DENND5B: variants seen among roughly 807,000 people sequenced by gnomAD.
DENND5B encodes DENN domain-containing protein 5B.
In DENND5B, 34 loss-of-function variants were observed where a neutral mutation model predicts 140.6. The ratio of observed to expected loss-of-function variants is 0.24; its 90% confidence interval spans 0.18 to 0.32. The LOEUF (loss-of-function observed/expected upper bound fraction) is 0.32. DENND5B is among the 10% of genes least tolerant of loss of function. The probability of loss-of-function intolerance (pLI) is 1.00; values close to 1 mark genes in which losing one functional copy is unlikely to be tolerated. For synonymous variants in DENND5B, 551 were observed against 562.1 expected (o/e 0.98, Z 0.28); for missense variants, 1,142 against 1,560.2 (o/e 0.73, Z 4.52).
At chr12:31,441,961 G>T (rs113202212) in intron 7 of DENND5B, among the ~76,000 whole-genome samples, 5 of 152,190 alleles carry the variant, frequency 3.3e-5, no homozygotes, top group Admixed American at 3.3e-4. Flanking sequence ...GAGGTTACAG[G>T]CGTGAGCCAC....
chr12:31,470,201 G>A (rs1177957190), intron 3 of DENND5B, among the ~76,000 whole-genome samples: 1 of 138,834 alleles, frequency 7.2e-6, no homozygotes, highest in Non-Finnish European at 1.5e-5. Flanking sequence ...TGCAGTCTCT[G>A]CCTCCAGGGT....
At position 31,565,446 on chromosome 12, in the gene DENND5B, G is replaced by A. The variant is rs149979899; in HGVS notation, c.127+25260C>T. 2.1e-3 allele frequency among the ~76,000 whole-genome samples: 322 copies of A among 152,326 alleles called. 1 individual carries two copies. Among genetic ancestry groups the A allele is most frequent in the African/African-American group, 7.2e-3 (298 of 41,570 alleles). On this transcript the variant is annotated intron_variant, in intron 1 of 20. Coordinates refer to ENST00000389082, the MANE Select transcript of DENND5B (RefSeq NM_144973.4). ...TAAGCAATTTATACATCTTGCTTAT[G>A]TGGATGCCTCTGGTCGCTTACACGT...
intron 1 of DENND5B, chr12:31,499,511 A>G: frequency 1.9e-6 from 2 of 1,051,712 alleles, no homozygotes; most frequent in Non-Finnish European, 2.5e-6. Flanking sequence ...AGTCTGACCA[A>G]GCAAAACTGA....
At chr12:31,557,228 G>A (rs2139298723) in intron 1 of DENND5B, among the ~76,000 whole-genome samples, 1 of 152,258 alleles carries the variant, frequency 6.6e-6, no homozygotes, top group Middle Eastern at 3.4e-3. Flanking sequence ...ATAGAGAGTA[G>A]AGAGACATAA....
At position 31,591,044 on chromosome 12, in the gene DENND5B, C is replaced by A. The variant is rs1187351517; in HGVS notation, c.-212G>T. The stretch of plus-strand genomic sequence containing the variant: ...GGGCTCGCGCGCGGCGGGTCCGGAG[C>A]CCGGCCGGGTGGGGGAGGGGCGCGG... On this transcript the variant is annotated 5_prime_UTR_variant, in exon 1 of 21. Transcript: ENST00000389082. 3.2e-6 allele frequency: 1 copy of A among 309,476 alleles called. No homozygotes were observed. Among genetic ancestry groups the A allele is most frequent in the Non-Finnish European group, 4.7e-6 (1 of 212,720 alleles). 19.2% of individuals were successfully genotyped at this position (309,476 alleles called of 1,614,324 possible). A position where few individuals can be genotyped will look rare whatever the true frequency, so the allele number is the denominator to read the frequency against.
At chr12:31,549,356 T>C (rs906970353) in intron 1 of DENND5B, among the ~76,000 whole-genome samples, 2 of 152,154 alleles carry the variant, frequency 1.3e-5, no homozygotes, top group Non-Finnish European at 2.9e-5. Context: ...CCTGATTTTT[T>C]AAAAAATGTG....
chr12:31,533,401 T>TA (rs1565671247), intron 1 of DENND5B, among the ~76,000 whole-genome samples: 1 of 152,222 alleles, frequency 6.6e-6, no homozygotes, highest in Non-Finnish European at 1.5e-5. Context: ...ACTTATACTT[T>TA]ATTTTCTTGA....
At chr12:31,470,354 T>TCCA (rs779638616) in intron 3 of DENND5B, among the ~76,000 whole-genome samples, 2 of 152,024 alleles carry the variant, frequency 1.3e-5, no homozygotes, top group Non-Finnish European at 2.9e-5. Context: ...CCTCAGGTGA[T>TCCA]CCACCCACCT....
At chr12:31,485,876 C>A (rs757164337) in intron 2 of DENND5B, among the ~76,000 whole-genome samples, 7 of 152,196 alleles carry the variant, frequency 4.6e-5, no homozygotes, top group Non-Finnish European at 8.8e-5. Flanking sequence ...ACAGAAGGAG[C>A]CCTAGCTATA....
In DENND5B at chr12:31,480,175, C is replaced by T. The variant is rs779377027; in HGVS notation, c.318G>A (p.Arg106=). ...AACCATAGGTGCGAGAACCATCTTC[C>T]CTGGTAATTATAAATGAGTGAAACT... ...DPQFHSFIIT[R]EDGSRTYGFV... is the part of the protein sequence containing the mutation. Residue 106 remains arginine (R), a synonymous_variant, in exon 3 of 21, where the codon AGG becomes AGA. Coordinates refer to ENST00000389082, the MANE Select transcript of DENND5B (RefSeq NM_144973.4). The T allele has an allele frequency of 7.5e-6, 12 of 1,603,856 alleles. No individual in the cohort carries two copies. Among genetic ancestry groups the T allele is most frequent in the African/African-American group, 1.3e-5 (1 of 74,754 alleles).
chr12:31,464,558 C>A (rs182809406), intron 3 of DENND5B, among the ~76,000 whole-genome samples: 1 of 152,070 alleles, frequency 6.6e-6, no homozygotes, highest in Admixed American at 6.6e-5. Flanking sequence ...ATGTATTTTT[C>A]TTTTTATTTA....
intron 1 of DENND5B, chr12:31,499,614 G>A (rs866252681): frequency 8.0e-6 from 12 of 1,493,246 alleles, no homozygotes; most frequent in African/African-American, 5.6e-5. Context: ...ACCTGAAGTC[G>A]TATTTGCAGC....
rs199964281 is a variant in DENND5B, at chr12:31,528,436, A to AT, written c.128-32518dup. ...GATCCTGAATCACATCTGTAAAGAT[A>AT]TTTTTTTTCCAAATAATGTAACATT... On this transcript the variant is annotated intron_variant, in intron 1 of 20. Coordinates refer to ENST00000389082, the MANE Select transcript of DENND5B (RefSeq NM_144973.4). Among the ~76,000 whole-genome samples the AT allele has an allele frequency of 6.4e-3, 977 of 152,172 alleles. 5 individuals are homozygous for AT. Among genetic ancestry groups the AT allele is most frequent in the African/African-American group, 0.023 (942 of 41,500 alleles).
chr12:31,533,251 G>GA (rs551426996), intron 1 of DENND5B, among the ~76,000 whole-genome samples: 22 of 145,546 alleles, frequency 1.5e-4, no homozygotes, highest in Admixed American at 4.1e-4. Flanking sequence ...AATATTTGAA[G>GA]AAAAAAAAAC....
chr12:31,494,201 CACCT>C (rs1448892112), intron 2 of DENND5B, among the ~76,000 whole-genome samples: 12 of 85,956 alleles, frequency 1.4e-4, no homozygotes, highest in Non-Finnish European at 2.0e-4. Flanking sequence ...TCCATCCATC[CACCT>C]ACCTACCTAC....
At chr12:31,522,939 T>C (rs1396806365) in intron 1 of DENND5B, among the ~76,000 whole-genome samples, 2 of 151,994 alleles carry the variant, frequency 1.3e-5, no homozygotes, top group Non-Finnish European at 2.9e-5. Context: ...TTTTCAGACC[T>C]AGAGTGGGGC....
Position 31,495,882 on chromosome 12 carries a change from G to A in DENND5B, c.165C>T (p.Phe55=). 6.2e-7 allele frequency: 1 copy of A among 1,612,892 alleles called. No individual in the cohort carries two copies. The highest frequency in any genetic ancestry group is 1.3e-5 in the African/African-American group (1 of 75,026). The change falls in exon 2 of 21, where the codon TTC becomes TTT. Residue 55 remains phenylalanine, a synonymous_variant. Transcript: ENST00000389082. The part of the protein sequence containing the change: ...NFDQSPLRRT[F]KSKVLAHYPQ... ...GATAGTGGGCGAGAACTTTGGATTT[G>A]AATGTTCTTCTCAAAGGACTCTGGT...
chr12:31,540,078 T>A (rs1948635037), intron 1 of DENND5B, among the ~76,000 whole-genome samples: 1 of 152,044 alleles, frequency 6.6e-6, no homozygotes, highest in African/African-American at 2.4e-5. Context: ...TATAGGCCAA[T>A]AGCAAACAAT....
intron 2 of DENND5B, among the ~76,000 whole-genome samples, chr12:31,482,221 T>C (rs903534008): frequency 6.6e-6 from 1 of 152,184 alleles, no homozygotes; most frequent in Non-Finnish European, 1.5e-5. Flanking sequence ...CTATCCAAGT[T>C]CATTTCCAGA....
Sources: gnomAD v4.1 joint callset for allele counts (sites outside exome capture counted in the v4.1 genomes callset) on GRCh38, gnomAD v4.1.1 for gene constraint, MANE v1.5 for transcripts, NCBI Gene and HGNC (gene_info 2026-07-23, HGNC 2026-07-21) for gene names.